FAM13A: variants seen among roughly 807,000 people sequenced by gnomAD.
The protein encoded by FAM13A is protein FAM13A.
A neutral mutation model predicts 129.6 loss-of-function variants in FAM13A; 76 were observed. The observed-to-expected ratio is 0.59, with a 90% CI of 0.49 to 0.71. The LOEUF is 0.71. Ranked by LOEUF, FAM13A falls within the 30% of genes least tolerant of loss-of-function variation. The probability of loss-of-function intolerance (pLI) is 0.00; values close to 1 mark genes in which losing one functional copy is unlikely to be tolerated. For synonymous variants in FAM13A, 443 were observed against 449.9 expected, an observed-to-expected ratio of 0.98 and a Z score of 0.20; for missense variants, 1,108 against 1,249.3, an observed-to-expected ratio of 0.89 and a Z score of 1.70.
intron 5 of FAM13A, among the ~76,000 whole-genome samples, chr4:88,915,844 T>C (rs1028691799): frequency 6.6e-6 from 1 of 152,172 alleles, no homozygotes; most frequent in African/African-American, 2.4e-5. Flanking sequence ...AATGAATTAA[T>C]GGGTTATTAT....
At chr4:88,823,984 G>A (rs1272831005) in intron 7 of FAM13A, among the ~76,000 whole-genome samples, 1 of 152,110 alleles carries the variant, frequency 6.6e-6, no homozygotes, top group Non-Finnish European at 1.5e-5. Context: ...CAGCATTTTG[G>A]GGGGGTTGCT....
intron 6 of FAM13A, among the ~76,000 whole-genome samples, chr4:88,877,791 T>A (rs1014574064): frequency 1.3e-5 from 2 of 152,208 alleles, no homozygotes; most frequent in African/African-American, 4.8e-5. Context: ...CTATTCAAAG[T>A]CCTCAGTCTA....
intron 3 of FAM13A, among the ~76,000 whole-genome samples, chr4:89,009,473 A>T (rs1451775841): frequency 6.6e-6 from 1 of 151,728 alleles, no homozygotes; most frequent in Non-Finnish European, 1.5e-5. Flanking sequence ...AAGGTTAGAG[A>T]AAACCAGATC....
chr4:89,054,298 G>GAC (rs57198448), intron 1 of FAM13A, among the ~76,000 whole-genome samples: 88,259 of 149,742 alleles, frequency 0.59, 26,176 homozygotes, highest in Middle Eastern at 0.66. Context: ...GATACACACA[G>GAC]ACACACACAC....
intron 5 of FAM13A, among the ~76,000 whole-genome samples, chr4:88,910,105 T>A (rs545987737): frequency 2.6e-5 from 4 of 152,278 alleles, no homozygotes; most frequent in African/African-American, 9.6e-5. Context: ...CTGAATCTTA[T>A]TACTAGTTGG....
chr4:88,739,145 G>C lies in FAM13A; in HGVS notation c.2467-20C>G. 6.4e-7 allele frequency: 1 copy of C among 1,556,952 alleles called. No individual in the cohort carries two copies. The highest frequency in any genetic ancestry group is 1.1e-5 in the South Asian group (1 of 89,936). The stretch of plus-strand genomic sequence containing the variant: ...TGTTACCTGAAAAGCAAGAATGAGA[G>C]CTATGAGAAGCCTGCTGCTGGGAGT... On this transcript the variant is annotated intron_variant, in intron 19 of 23. Transcript: ENST00000264344.
intron 11 of FAM13A, among the ~76,000 whole-genome samples, chr4:88,773,668 G>A (rs569572937): frequency 2.2e-4 from 33 of 152,104 alleles, no homozygotes; most frequent in African/African-American, 7.2e-4. Flanking sequence ...CAGTCCTTTG[G>A]TGTCAGCTTA....
At chr4:88,926,071 A>G (rs750895861) in intron 5 of FAM13A, among the ~76,000 whole-genome samples, 2 of 152,120 alleles carry the variant, frequency 1.3e-5, no homozygotes, top group African/African-American at 2.4e-5. Flanking sequence ...CCAACAAGAA[A>G]TGTCACTCTT....
intron 3 of FAM13A, among the ~76,000 whole-genome samples, chr4:89,019,108 A>G (rs1766901358): frequency 6.6e-6 from 1 of 152,202 alleles, no homozygotes; most frequent in African/African-American, 2.4e-5. Context: ...GGGGATGGCA[A>G]GTGGAGGTAG....
intron 4 of FAM13A, among the ~76,000 whole-genome samples, chr4:88,984,905 T>C (rs947093345): frequency 4.6e-5 from 7 of 152,170 alleles, no homozygotes; most frequent in Admixed American, 2.6e-4. Flanking sequence ...TTTTAAACAG[T>C]TACCATGAGA....
chr4:88,917,538 A>T (rs1323218859), intron 5 of FAM13A, among the ~76,000 whole-genome samples: 1 of 152,130 alleles, frequency 6.6e-6, no homozygotes, highest in East Asian at 1.9e-4. Flanking sequence ...ACTGCTGCCC[A>T]TCATCAAATT....
chr4:88,785,510 G>C (rs1328577222), intron 10 of FAM13A, among the ~76,000 whole-genome samples: 1 of 152,098 alleles, frequency 6.6e-6, no homozygotes, highest in Non-Finnish European at 1.5e-5. Flanking sequence ...TAAGACCAAA[G>C]AGGAGATGCT....
chr4:89,048,289 T>C (rs948721194), intron 1 of FAM13A, among the ~76,000 whole-genome samples: 6 of 152,184 alleles, frequency 3.9e-5, no homozygotes, highest in African/African-American at 1.4e-4. Context: ...CAGAATATTA[T>C]TTAACAATAA....
chr4:88,875,980 T>C (rs1039151845), intron 6 of FAM13A, among the ~76,000 whole-genome samples: 2 of 152,196 alleles, frequency 1.3e-5, no homozygotes, highest in Non-Finnish European at 2.9e-5. Flanking sequence ...GATGAATTCA[T>C]GTCCTTTCTA....
Position 88,746,994 on chromosome 4 carries a change from C to T in FAM13A, c.2404G>A (p.Ala802Thr). The T allele has an allele frequency of 6.2e-7, 1 of 1,612,760 alleles. No individual in the cohort carries two copies. The highest frequency in any genetic ancestry group is 8.5e-7 in the Non-Finnish European group (1 of 1,178,780). ...TTCTGCAGAGCCACTTTCTCATTAG[C>T]AATCTGGTCTTTGGTCATATCCTGT... is the stretch of plus-strand genomic sequence containing the variant. ...DIKDMTKDQI[A>T]NEKVALQKAL... The change falls in exon 19 of 24, where the codon GCT becomes ACT. Residue 802 changes from alanine to threonine, a missense_variant. By Grantham distance (58) the Ala-to-Thr change is moderately conservative. Around this residue, in one of 3 missense-constraint regions of FAM13A, gnomAD observed 529 missense variants for 621.2 expected, o/e 0.85. Coordinates refer to ENST00000264344, the MANE Select transcript of FAM13A (RefSeq NM_014883.4).
chr4:88,763,211 C>A (rs893726494), intron 13 of FAM13A, among the ~76,000 whole-genome samples: 1 of 152,170 alleles, frequency 6.6e-6, no homozygotes, highest in South Asian at 2.1e-4. Context: ...AAAACGTGTA[C>A]AAAACAGCCT....
At chr4:88,835,889 C>A (rs1370917175) in intron 7 of FAM13A, among the ~76,000 whole-genome samples, 1 of 152,066 alleles carries the variant, frequency 6.6e-6, no homozygotes, top group Non-Finnish European at 1.5e-5. Flanking sequence ...GGCCATGGAC[C>A]TGTACCAGTC....
At position 89,040,741 on chromosome 4, in the gene FAM13A, T is replaced by G. The variant is rs556659033; in HGVS notation, c.28-11092A>C. ...GCGGTCTGTGATGATTAATATTGAG[T>G]GTCAACTTGACTGGATTGAAGGATG... is the stretch of plus-strand genomic sequence containing the variant. On this transcript the variant is annotated intron_variant, in intron 1 of 23. Coordinates refer to ENST00000264344, the MANE Select transcript of FAM13A (RefSeq NM_014883.4). Among the ~76,000 whole-genome samples the G allele has an allele frequency of 5.3e-5, 8 of 152,270 alleles. No homozygotes were observed. The South Asian group carries it at 1.5e-3, about 28-fold the overall frequency.
intron 3 of FAM13A, among the ~76,000 whole-genome samples, chr4:89,006,473 T>C (rs1765026374): frequency 6.6e-6 from 1 of 152,190 alleles, no homozygotes; most frequent in South Asian, 2.1e-4. Flanking sequence ...GGGTGTGGCT[T>C]GCTTACTCAA....
Sources: gnomAD v4.1 joint callset for allele counts (sites outside exome capture counted in the v4.1 genomes callset) on GRCh38, gnomAD v4.1.1 for gene constraint, gnomAD v4.1.1 regional missense constraint, MANE v1.5 for transcripts, NCBI Gene and HGNC (gene_info 2026-07-23, HGNC 2026-07-21) for gene names.